VWA8: variants seen among roughly 807,000 people sequenced by gnomAD.
The protein encoded by VWA8 is von Willebrand factor A domain containing 8.
In VWA8, 221 loss-of-function variants were observed where a neutral mutation model predicts 241.5. That is an observed-to-expected ratio of 0.91 (90% CI 0.82 to 1.02). VWA8 has a LOEUF of 1.02. Ranked by LOEUF, VWA8 falls within the 50% of genes least tolerant of loss-of-function variation. The pLI is 0.00. For missense variants in VWA8, 2,322 were observed against 2,328.7 expected (o/e 1.00, Z 0.06); for synonymous variants, 852 against 827.1 (o/e 1.03, Z -0.52).
chr13:41,883,319 G>A (rs772863088), intron 9 of VWA8, 68 bp downstream of exon 9: 116 of 1,251,262 alleles, frequency 9.3e-5, no homozygotes, highest in Non-Finnish European at 1.3e-4. Flanking sequence ...GGAGTGAGGG[G>A]AAGATGGGAA....
intron 21 of VWA8, among the ~76,000 whole-genome samples, chr13:41,743,512 T>A (rs2045583294): frequency 6.6e-6 from 1 of 152,218 alleles, no homozygotes; most frequent in African/African-American, 2.4e-5. Context: ...CAAATCTGCA[T>A]TGGGTCAATT....
intron 1 of VWA8, among the ~76,000 whole-genome samples, chr13:41,958,185 T>C (rs1038085531): frequency 2.0e-5 from 3 of 152,242 alleles, no homozygotes; most frequent in African/African-American, 7.2e-5. Context: ...GTTTTTAACA[T>C]AAATGACCTA....
intron 2 of VWA8, 152 bp from the exon 3 acceptor site, chr13:41,912,320 T>A: frequency 1.8e-6 from 1 of 546,718 alleles, no homozygotes; most frequent in Non-Finnish European, 2.7e-6. Context: ...TAAATATATA[T>A]AAACATATGC....
chr13:41,748,556 G>C (rs1413479232), intron 21 of VWA8, among the ~76,000 whole-genome samples: 2 of 152,108 alleles, frequency 1.3e-5, no homozygotes, highest in African/African-American at 4.8e-5. Context: ...CTAGCTCCTA[G>C]ATCCACTGAT....
At chr13:41,633,396 T>C (rs1009961935) in intron 37 of VWA8, among the ~76,000 whole-genome samples, 3 of 152,180 alleles carry the variant, frequency 2.0e-5, no homozygotes, top group African/African-American at 7.2e-5. Context: ...AATGAATGAC[T>C]GCATGGCCAT....
At chr13:41,594,779 T>C (rs151104783) in intron 40 of VWA8, among the ~76,000 whole-genome samples, 1 of 152,320 alleles carries the variant, frequency 6.6e-6, no homozygotes, top group Non-Finnish European at 1.5e-5. Context: ...CATTACACTA[T>C]ATAGAAAATT....
intron 41 of VWA8, 43 bp from the exon 42 acceptor site, chr13:41,587,713 A>T: frequency 6.2e-7 from 1 of 1,608,084 alleles, no homozygotes; most frequent in Non-Finnish European, 8.5e-7. Context: ...GAACTGGCAA[A>T]CTTCCCCTGG....
At chr13:41,906,037 G>T (rs9315871) in intron 4 of VWA8, among the ~76,000 whole-genome samples, 34,371 of 151,802 alleles carry the variant, frequency 0.23, 3,962 homozygotes, top group East Asian at 0.29. Context: ...TTTTGATTAT[G>T]GGAAATCTGA....
intron 17 of VWA8, among the ~76,000 whole-genome samples, chr13:41,805,897 T>C (rs896564947): frequency 6.6e-6 from 1 of 151,752 alleles, no homozygotes; most frequent in Non-Finnish European, 1.5e-5. Flanking sequence ...TTACAGAACA[T>C]GTGATCCAAC....
At chr13:41,886,051 T>A in intron 7 of VWA8, 23 bp from the exon 8 acceptor site, 1 of 1,427,376 alleles carries the variant, frequency 7.0e-7, no homozygotes, top group Non-Finnish European at 9.5e-7. Context: ...TGATATTAAA[T>A]TTTAATAGTT....
At chr13:41,581,866 C>T (rs1352061424) in intron 42 of VWA8, among the ~76,000 whole-genome samples, 1 of 151,902 alleles carries the variant, frequency 6.6e-6, no homozygotes, top group African/African-American at 2.4e-5. Context: ...TTCAAGATTA[C>T]AGTGAAAACA....
chr13:41,699,569 G>A (rs936246196), intron 28 of VWA8, among the ~76,000 whole-genome samples: 2 of 152,112 alleles, frequency 1.3e-5, no homozygotes, highest in Non-Finnish European at 2.9e-5. Context: ...TCAATGTCAG[G>A]AAATTCTTCC....
chr13:41,574,709 G>T (rs147979799), intron 43 of VWA8, among the ~76,000 whole-genome samples: 24 of 152,244 alleles, frequency 1.6e-4, no homozygotes, highest in African/African-American at 4.8e-4. Context: ...CATGGTACTG[G>T]TATAAAAATA....
Position 41,587,583 on chromosome 13 carries a change from G to A in VWA8, c.5200C>T (p.Arg1734Trp), listed in dbSNP as rs764610832. The A allele has an allele frequency of 3.3e-5, 54 of 1,614,006 alleles. No individual in the cohort carries two copies. Among genetic ancestry groups the A allele is most frequent in the Non-Finnish European group, 3.9e-5 (46 of 1,180,036 alleles). ...ACAGCCTCCATTGTGCGCTCAAGCCGGCCATCCATCCTGTTGAAACGGTAC... is the reference window on the plus strand; with the variant it reads ...ACAGCCTCCATTGTGCGCTCAAGCCAGCCATCCATCCTGTTGAAACGGTAC... ...SMYRFNRMDG[R>W]LERTMEAVCM... is the part of the protein sequence containing the mutation. Residue 1734 changes from arginine to tryptophan, a missense_variant, in exon 42 of 45, where the codon CGG becomes TGG. Transcript: ENST00000379310.
intron 14 of VWA8, among the ~76,000 whole-genome samples, chr13:41,820,705 C>G (rs967280809): frequency 1.3e-5 from 2 of 152,124 alleles, no homozygotes; most frequent in Non-Finnish European, 2.9e-5. Flanking sequence ...ATGGACAGTG[C>G]CTGAAAGTCC....
At chr13:41,612,911 T>A (rs181155338) in intron 38 of VWA8, among the ~76,000 whole-genome samples, 62 of 152,302 alleles carry the variant, frequency 4.1e-4, no homozygotes, top group Non-Finnish European at 7.9e-4. Flanking sequence ...GATACTAATA[T>A]TATTTACTTC....
intron 20 of VWA8, among the ~76,000 whole-genome samples, chr13:41,773,821 C>A (rs1311146606): frequency 2.0e-5 from 3 of 152,164 alleles, no homozygotes; most frequent in Non-Finnish European, 4.4e-5. Flanking sequence ...TACTAATCAG[C>A]ACTTTATTAT....
chr13:41,597,104 A>G (rs182976097), intron 40 of VWA8, among the ~76,000 whole-genome samples: 107 of 152,286 alleles, frequency 7.0e-4, no homozygotes, highest in African/African-American at 2.5e-3. Context: ...TCTACAGAAT[A>G]AAGCCTACAG....
intron 12 of VWA8, among the ~76,000 whole-genome samples, chr13:41,849,251 T>C (rs977071929): frequency 6.6e-6 from 1 of 152,190 alleles, no homozygotes; most frequent in Non-Finnish European, 1.5e-5. Context: ...TTAGGAATCA[T>C]AAAAGGCATC....
Sources: allele counts gnomAD v4.1 joint callset (sites outside exome capture counted in the v4.1 genomes callset), GRCh38; gene constraint gnomAD v4.1.1; transcripts MANE v1.5; gene names NCBI Gene and HGNC (gene_info 2026-07-23, HGNC 2026-07-21).